DHX9: variants seen among roughly 807,000 people sequenced by gnomAD.
DHX9 encodes ATP-dependent RNA helicase A.
DHX9 carries 27 observed loss-of-function variants against 148.7 expected under a neutral mutation model. The observed-to-expected ratio is 0.18, with a 90% CI of 0.13 to 0.25. The LOEUF (loss-of-function observed/expected upper bound fraction) is 0.25, where lower values mean the gene tolerates loss of function less well. DHX9 is among the 10% of genes least tolerant of loss of function. DHX9 has a pLI of 1.00. For synonymous variants in DHX9, 529 were observed against 516.6 expected (o/e 1.02, Z -0.33); for missense variants, 796 against 1,559.6 (o/e 0.51, Z 8.25).
intron 1 of DHX9, among the ~76,000 whole-genome samples, chr1:182,840,299 CTTTTTTTTTT>C (rs572795237): frequency 1.0e-4 from 11 of 105,524 alleles, no homozygotes; most frequent in Admixed American, 1.0e-3. Flanking sequence ...ATTCTTGCGC[CTTTTTTTTTT>C]TTTTTTTTTT....
At chr1:182,881,700 A>G (rs773216446) in intron 24 of DHX9, 53 bp downstream of exon 24, 2 of 1,513,662 alleles carry the variant, frequency 1.3e-6, no homozygotes, top group African/African-American at 1.4e-5. Flanking sequence ...TATATAGTAC[A>G]TGCAAATTGA....
rs1203827869 is a variant in DHX9, at chr1:182,843,302, G to A, written c.120G>A (p.Val40=). ...TTTTTTTTTTTTTAAAGGTTCAGGTGGAAGGTTATAATTACACTGGCATGG... is the reference window on the plus strand; with the variant it reads ...TTTTTTTTTTTTTAAAGGTTCAGGTAGAAGGTTATAATTACACTGGCATGG... ...NRQKFMCEVQ[V]EGYNYTGMGN... The change falls in exon 3 of 28, where the codon GTG becomes GTA. Residue 40 remains valine, a synonymous_variant. Transcript: ENST00000367549. 4.4e-6 allele frequency: 7 copies of A among 1,583,880 alleles called. No individual in the cohort carries two copies. Among genetic ancestry groups the A allele is most frequent in the African/African-American group, 1.4e-5 (1 of 72,406 alleles).
chr1:182,864,551 C>T (rs757794568), intron 12 of DHX9, among the ~76,000 whole-genome samples: 48 of 152,166 alleles, frequency 3.2e-4, no homozygotes, highest in Non-Finnish European at 5.6e-4. Context: ...TGACAGATTT[C>T]TAGTCAAATC....
chr1:182,858,052 T>C (rs1668287688), intron 7 of DHX9, 52 bp from the exon 8 acceptor site: 1 of 1,572,890 alleles, frequency 6.4e-7, no homozygotes, highest in Non-Finnish European at 8.6e-7. Flanking sequence ...ATAAGATGTT[T>C]CTTTACTCAG....
At chr1:182,880,254 A>G (rs562989313) in intron 21 of DHX9, among the ~76,000 whole-genome samples, 8 of 152,270 alleles carry the variant, frequency 5.3e-5, no homozygotes, top group African/African-American at 1.9e-4. Context: ...TAGACTTCAT[A>G]TGAATTGTAT....
At chr1:182,876,934 C>T in intron 19 of DHX9, 31 bp downstream of exon 19, 1 of 1,519,944 alleles carries the variant, frequency 6.6e-7, no homozygotes, top group East Asian at 2.3e-5. Context: ...TTTGTCTGCT[C>T]CAGTGTTACT....
intron 19 of DHX9, 23 bp from the exon 20 acceptor site, chr1:182,877,998 A>G: frequency 6.2e-7 from 1 of 1,613,634 alleles, no homozygotes. Flanking sequence ...GAGTCTTAGA[A>G]TTAACCACTT....
chr1:182,862,905 ATAT>A (rs1014899547), intron 12 of DHX9, among the ~76,000 whole-genome samples: 1 of 152,232 alleles, frequency 6.6e-6, no homozygotes, highest in African/African-American at 2.4e-5. Context: ...TGCTTAGTAC[ATAT>A]TATTAGAGCT....
intron 20 of DHX9, among the ~76,000 whole-genome samples, chr1:182,878,607 G>C (rs2102617545): frequency 6.6e-6 from 1 of 152,308 alleles, no homozygotes; most frequent in South Asian, 2.1e-4. Flanking sequence ...ATAAGTGTTT[G>C]CTGTTGTTAA....
chr1:182,877,123 GTAAC>G (rs1277036850), intron 19 of DHX9: 4 of 456,230 alleles, frequency 8.8e-6, no homozygotes, highest in Non-Finnish European at 1.2e-5. Context: ...GCTTGAAACT[GTAAC>G]TGATGATTAC....
intron 27 of DHX9, 143 bp downstream of exon 27, chr1:182,884,956 ATGT>A (rs1370280933): frequency 2.7e-6 from 2 of 738,022 alleles, no homozygotes; most frequent in Admixed American, 2.8e-5. Flanking sequence ...AGAGAGTTTG[ATGT>A]TCTGAGTTCT....
At chr1:182,855,652 G>T in intron 6 of DHX9, 1 of 985,478 alleles carries the variant, frequency 1.0e-6, no homozygotes, top group Non-Finnish European at 1.2e-6. Flanking sequence ...ATTAATGAAA[G>T]GGTGGATGTT....
chr1:182,878,242 T>C, intron 20 of DHX9, 69 bp downstream of exon 20: 1 of 1,541,580 alleles, frequency 6.5e-7, no homozygotes. Flanking sequence ...ATGTGTGCAG[T>C]TATGTAAACC....
chr1:182,868,588 C>T (rs1648407115), intron 14 of DHX9, among the ~76,000 whole-genome samples: 1 of 143,126 alleles, frequency 7.0e-6, no homozygotes, highest in South Asian at 2.2e-4. Flanking sequence ...GATCTCGGCT[C>T]ACTGCAACTT....
intron 12 of DHX9, among the ~76,000 whole-genome samples, chr1:182,862,923 C>A (rs1461263555): frequency 6.6e-6 from 1 of 152,164 alleles, no homozygotes. Context: ...AGAGCTACTT[C>A]AGTTAAAGCA....
At chr1:182,852,187 G>A (rs750451147) in intron 3 of DHX9, 46 bp from the exon 4 acceptor site, 32 of 1,331,016 alleles carry the variant, frequency 2.4e-5, no homozygotes, top group African/African-American at 1.2e-4. Flanking sequence ...ACTAGTCCCC[G>A]TGAAGGCAAA....
intron 6 of DHX9, chr1:182,855,796 G>T: frequency 1.1e-6 from 1 of 932,916 alleles, no homozygotes; most frequent in Non-Finnish European, 1.3e-6. Flanking sequence ...ACACCACCAA[G>T]TCTAGGTTAG....
chr1:182,868,889 A>G (rs1648419987), intron 14 of DHX9, among the ~76,000 whole-genome samples: 1 of 152,164 alleles, frequency 6.6e-6, no homozygotes. Context: ...GCTTATGATG[A>G]CTATAAATCA....
intron 12 of DHX9, among the ~76,000 whole-genome samples, chr1:182,865,220 T>A (rs1388199575): frequency 6.6e-6 from 1 of 152,232 alleles, no homozygotes; most frequent in African/African-American, 2.4e-5. Flanking sequence ...TCACATTCCT[T>A]AACTCAAGTA....
Sources: allele counts gnomAD v4.1 joint callset (sites outside exome capture counted in the v4.1 genomes callset), GRCh38; gene constraint gnomAD v4.1.1; transcripts MANE v1.5; gene names NCBI Gene and HGNC (gene_info 2026-07-23, HGNC 2026-07-21).